PRKN: variants seen among roughly 807,000 people sequenced by gnomAD.
The protein encoded by PRKN is parkin RBR E3 ubiquitin protein ligase.
PRKN carries 56 observed loss-of-function variants against 59.5 expected under a neutral mutation model. That is an observed-to-expected ratio of 0.94 (90% CI 0.76 to 1.18). The LOEUF is 1.18. PRKN is among the 50% of genes most tolerant of loss of function. The pLI is 0.00. For synonymous variants in PRKN, 250 were observed against 222.1 expected (o/e 1.13, Z -1.12); for missense variants, 657 against 596.4 (o/e 1.10, Z -1.06).
At chr6:162,315,225 A>G (rs940787820) in intron 2 of PRKN, among the ~76,000 whole-genome samples, 1 of 152,152 alleles carries the variant, frequency 6.6e-6, no homozygotes, top group Non-Finnish European at 1.5e-5. Context: ...CCGACTTCCT[A>G]TGTGCTAAAA....
intron 7 of PRKN, among the ~76,000 whole-genome samples, chr6:161,571,489 A>T (rs921839382): frequency 4.6e-5 from 7 of 152,214 alleles, no homozygotes; most frequent in African/African-American, 1.4e-4. Context: ...CTGTATTCAC[A>T]CAGGTGAAGG....
intron 6 of PRKN, among the ~76,000 whole-genome samples, chr6:161,947,272 G>C (rs1379638229): frequency 6.6e-6 from 1 of 152,122 alleles, no homozygotes; most frequent in Non-Finnish European, 1.5e-5. Flanking sequence ...GGAGGGAAAA[G>C]TGAACTTTTA....
intron 6 of PRKN, among the ~76,000 whole-genome samples, chr6:161,897,916 G>A (rs1438337311): frequency 2.4e-5 from 3 of 123,862 alleles, no homozygotes; most frequent in Non-Finnish European, 3.2e-5. Context: ...GCAGTGAGCT[G>A]AGATCGCGCC....
intron 4 of PRKN, among the ~76,000 whole-genome samples, chr6:162,191,972 AAACC>A (rs2128327048): frequency 6.6e-6 from 1 of 152,342 alleles, no homozygotes; most frequent in East Asian, 1.9e-4. Context: ...ACCAATAAAC[AAACC>A]AACCAAGTTT....
rs1258512029 is a variant in PRKN at position 161,545,302 on chromosome 6, G to A, written c.1083+3552C>T. 37 of 1,558,152 alleles carry A rather than the reference G, an allele frequency of 2.4e-5. No individual in the cohort carries two copies. Among genetic ancestry groups the A allele is most frequent in the Non-Finnish European group, 3.0e-5 (35 of 1,151,004 alleles). ...CCTGATAATCACTGGAGTTAATGAC[G>A]TCTAGGGCTTTTTCCACATCTGGAA... On this transcript the variant is annotated intron_variant, in intron 9 of 11. Coordinates refer to ENST00000366898, the MANE Select transcript of PRKN (RefSeq NM_004562.3). This position sits in a 1 kb window ranked among gnomAD's most constrained non-coding sequence, Gnocchi z 4.1.
chr6:162,239,144 A>G (rs897586388), intron 3 of PRKN, among the ~76,000 whole-genome samples: 2 of 152,144 alleles, frequency 1.3e-5, no homozygotes, highest in Admixed American at 1.3e-4. Context: ...TAAGTACACT[A>G]TGGATTTGAT....
At chr6:161,477,099 A>G (rs1791122174) in intron 9 of PRKN, among the ~76,000 whole-genome samples, 1 of 152,268 alleles carries the variant, frequency 6.6e-6, no homozygotes, top group Non-Finnish European at 1.5e-5. Flanking sequence ...TAATTATCAG[A>G]GAATGCTGTT....
At chr6:162,640,817 G>A (rs1250237258) in intron 1 of PRKN, among the ~76,000 whole-genome samples, 1 of 152,140 alleles carries the variant, frequency 6.6e-6, no homozygotes, top group Admixed American at 6.5e-5. Context: ...CTTTCCACAG[G>A]TTCTGAACTC....
At chr6:161,918,398 T>C (rs895964153) in intron 6 of PRKN, among the ~76,000 whole-genome samples, 1 of 152,208 alleles carries the variant, frequency 6.6e-6, no homozygotes, top group Non-Finnish European at 1.5e-5. Flanking sequence ...ATGGAAAAGC[T>C]GCAAGAGAGA....
intron 6 of PRKN, among the ~76,000 whole-genome samples, chr6:161,849,052 TGAGGTGCTAGAC>T (rs1363285341): frequency 6.6e-6 from 1 of 152,198 alleles, no homozygotes; most frequent in African/African-American, 2.4e-5. Context: ...CAGTTCCAGA[TGAGGTGCTAGAC>T]TTAATTCAGG....
chr6:161,909,026 C>A (rs1778256338), intron 6 of PRKN, among the ~76,000 whole-genome samples: 1 of 152,214 alleles, frequency 6.6e-6, no homozygotes, highest in Non-Finnish European at 1.5e-5. Flanking sequence ...GTGTCACTCT[C>A]AGGCAGCAAC....
chr6:162,534,440 T>C (rs1778636763), intron 1 of PRKN, among the ~76,000 whole-genome samples: 1 of 152,286 alleles, frequency 6.6e-6, no homozygotes, highest in Admixed American at 6.5e-5. Context: ...CGGTAGTTCT[T>C]TTACAACTTG....
intron 5 of PRKN, among the ~76,000 whole-genome samples, chr6:162,031,417 T>A (rs937583007): frequency 2.7e-5 from 4 of 150,912 alleles, no homozygotes; most frequent in Non-Finnish European, 5.9e-5. Context: ...TCCTTTTTTT[T>A]ATCTCTCATA....
At chr6:161,955,882 T>G (rs939659859) in intron 6 of PRKN, among the ~76,000 whole-genome samples, 2 of 152,072 alleles carry the variant, frequency 1.3e-5, no homozygotes, top group African/African-American at 4.8e-5. Context: ...AAAATTTCCT[T>G]GGACAGATGA....
intron 1 of PRKN, among the ~76,000 whole-genome samples, chr6:162,528,038 A>ATC (rs905216369): frequency 9.6e-6 from 1 of 104,280 alleles, no homozygotes; most frequent in Non-Finnish European, 1.9e-5. Context: ...CATGATTGTA[A>ATC]TCCCAGCACT....
chr6:161,509,580 G>A (rs1481579459), intron 9 of PRKN, among the ~76,000 whole-genome samples: 1 of 151,276 alleles, frequency 6.6e-6, no homozygotes, highest in African/African-American at 2.4e-5. Flanking sequence ...TTCCTTTGGG[G>A]GGAAAAAAAG....
intron 7 of PRKN, among the ~76,000 whole-genome samples, chr6:161,782,138 T>C (rs1476050130): frequency 2.6e-5 from 4 of 152,150 alleles, no homozygotes; most frequent in African/African-American, 9.7e-5. Flanking sequence ...TAGCAATATT[T>C]ACAGTAAAAA....
chr6:161,920,512 C>T (rs539428344), intron 6 of PRKN, among the ~76,000 whole-genome samples: 12 of 151,824 alleles, frequency 7.9e-5, no homozygotes, highest in Non-Finnish European at 1.2e-4. Flanking sequence ...ACCCCTGGGC[C>T]GGGCGCAGTG....
chr6:162,403,913 T>G (rs1050947441), intron 2 of PRKN, among the ~76,000 whole-genome samples: 9 of 152,202 alleles, frequency 5.9e-5, no homozygotes, highest in African/African-American at 2.2e-4. Context: ...CTCTTTCTCC[T>G]CTATCCATAA....
Sources: allele counts gnomAD v4.1 joint callset (sites outside exome capture counted in the v4.1 genomes callset), GRCh38; gene constraint gnomAD v4.1.1; non-coding constraint Gnocchi (gnomAD v3.1); transcripts MANE v1.5; gene names NCBI Gene and HGNC (gene_info 2026-07-23, HGNC 2026-07-21).